LINGO2: variants seen among roughly 807,000 people sequenced by gnomAD.
LINGO2 encodes leucine rich repeat and Ig domain containing 2.
In LINGO2, 14 loss-of-function variants were observed where a neutral mutation model predicts 30.6. That is an observed-to-expected ratio of 0.46 (90% CI 0.30 to 0.72). LINGO2 has a LOEUF of 0.72. Ranked by LOEUF, LINGO2 falls within the 30% of genes least tolerant of loss-of-function variation. The pLI is 0.07. For synonymous variants in LINGO2, 317 were observed against 288.5 expected (o/e 1.10, Z -1.00); for missense variants, 729 against 751.7 (o/e 0.97, Z 0.35).
intron 2 of LINGO2, among the ~76,000 whole-genome samples, chr9:28,410,715 AG>A (rs1259692326): frequency 1.3e-5 from 2 of 152,130 alleles, no homozygotes. Flanking sequence ...AAACGCAATA[AG>A]GGGGAAGTGC....
In LINGO2 at chr9:28,354,561, T is replaced by C. The variant is rs543423789; in HGVS notation, c.-246+18275A>G. Among the ~76,000 whole-genome samples the C allele has an allele frequency of 1.6e-4, 25 of 152,300 alleles. No individual in the cohort carries two copies. The East Asian group carries it at 4.8e-3, about 29-fold the overall frequency. Reference sequence around the variant, plus strand: ...TAGGAGTTAAGGTGAAATTTCAAAATTCATGCTCAAGAAACATGGGGTGAA... The same window carrying C: ...TAGGAGTTAAGGTGAAATTTCAAAACTCATGCTCAAGAAACATGGGGTGAA... On this transcript the variant is annotated intron_variant, in intron 3 of 5. Coordinates refer to ENST00000379992, the Ensembl canonical transcript of LINGO2.
At chr9:28,464,663 T>C (rs1160192808) in intron 2 of LINGO2, among the ~76,000 whole-genome samples, 1 of 152,214 alleles carries the variant, frequency 6.6e-6, no homozygotes, top group Non-Finnish European at 1.5e-5. Context: ...TTTACTGTAT[T>C]GTTAAAGAAA....
chr9:28,914,623 G>T, the LINGO2 span, among the ~76,000 whole-genome samples: 1 of 152,034 alleles, frequency 6.6e-6, no homozygotes, highest in African/African-American at 2.4e-5. Context: ...TTGAAAATTT[G>T]ATATTTGCAG....
At chr9:28,436,970 T>G (rs143660330) in intron 2 of LINGO2, among the ~76,000 whole-genome samples, 137 of 152,328 alleles carry the variant, frequency 9.0e-4, no homozygotes, top group African/African-American at 3.2e-3. Context: ...GGCCACCCTT[T>G]GAAGACCTGG....
At chr9:28,023,726 CTCT>C (rs376584643) in intron 4 of LINGO2, among the ~76,000 whole-genome samples, 10 of 152,158 alleles carry the variant, frequency 6.6e-5, no homozygotes, top group African/African-American at 9.7e-5. Context: ...ACAATGGTAA[CTCT>C]TCTTCTTCTC....
At chr9:28,031,832 T>TA (rs1587728963) in intron 4 of LINGO2, among the ~76,000 whole-genome samples, 1 of 152,204 alleles carries the variant, frequency 6.6e-6, no homozygotes, top group African/African-American at 2.4e-5. Flanking sequence ...AGAGAGATAT[T>TA]AGTGATTCTA....
rs1052860268 is a variant in LINGO2 at position 28,372,837 on chromosome 9, T to G, written c.-247A>C. On this transcript the variant is annotated splice_region_variant and 5_prime_UTR_variant, in exon 3 of 6. Transcript: ENST00000379992. ...ACAAAAATTATAAAATGTACCAACC[T>G]TGAAAGCTGCATTCTGTTTTTCTCA... is the stretch of plus-strand genomic sequence containing the variant. 7.9e-5 allele frequency: 12 copies of G among 152,534 alleles called. No individual in the cohort carries two copies. Among genetic ancestry groups the G allele is most frequent in the African/African-American group, 2.9e-4 (12 of 41,440 alleles). The allele number at this position is 152,534 out of a possible 1,614,324, so 9.4% of individuals were successfully genotyped here.
At chr9:28,256,916 T>C (rs1241428814) in intron 4 of LINGO2, among the ~76,000 whole-genome samples, 2 of 151,916 alleles carry the variant, frequency 1.3e-5, no homozygotes, top group South Asian at 2.1e-4. Context: ...AAGGAAAAGG[T>C]CTAAAAGATG....
intron 5 of LINGO2, among the ~76,000 whole-genome samples, chr9:27,968,843 T>C (rs1820222565): frequency 6.6e-6 from 1 of 151,720 alleles, no homozygotes; most frequent in South Asian, 2.1e-4. Context: ...AATTTACCTC[T>C]ACCTTTAAAA....
the LINGO2 span, among the ~76,000 whole-genome samples, chr9:29,066,844 T>C: frequency 2.6e-5 from 4 of 151,824 alleles, no homozygotes; most frequent in Admixed American, 2.6e-4. Flanking sequence ...CTTTTGGAAA[T>C]GAAAAACCTG....
At chr9:28,620,064 C>A (rs1194991940) in intron 1 of LINGO2, among the ~76,000 whole-genome samples, 1 of 128,590 alleles carries the variant, frequency 7.8e-6, no homozygotes, top group Non-Finnish European at 1.8e-5. Flanking sequence ...ACACTATTTA[C>A]AATGCCCAAA....
chr9:29,067,252 G>A, the LINGO2 span, among the ~76,000 whole-genome samples: 1 of 151,768 alleles, frequency 6.6e-6, no homozygotes, highest in Admixed American at 6.6e-5. Flanking sequence ...TATAAACTGA[G>A]GCTGGGAACA....
chr9:28,413,785 T>C (rs1822863771), intron 2 of LINGO2, among the ~76,000 whole-genome samples: 1 of 152,132 alleles, frequency 6.6e-6, no homozygotes, highest in African/African-American at 2.4e-5. Flanking sequence ...ACGGAGGCTA[T>C]GCTTTGTCTG....
intron 2 of LINGO2, among the ~76,000 whole-genome samples, chr9:28,406,860 G>T (rs1406045307): frequency 6.6e-6 from 1 of 152,156 alleles, no homozygotes; most frequent in South Asian, 2.1e-4. Flanking sequence ...CCAGGTAAAA[G>T]AAATTTCCAA....
chr9:28,340,148 A>C (rs982543280), intron 3 of LINGO2, among the ~76,000 whole-genome samples: 4 of 152,208 alleles, frequency 2.6e-5, no homozygotes, highest in Admixed American at 6.5e-5. Flanking sequence ...CCTAAGGTTA[A>C]ATTCTGACAC....
chr9:28,344,017 A>G (rs1819466392), intron 3 of LINGO2, among the ~76,000 whole-genome samples: 1 of 152,174 alleles, frequency 6.6e-6, no homozygotes, highest in Admixed American at 6.6e-5. Flanking sequence ...TCCTGCAGCC[A>G]GTAATGTCTC....
At chr9:28,847,756 TACAC>T in the LINGO2 span, among the ~76,000 whole-genome samples, 25 of 129,906 alleles carry the variant, frequency 1.9e-4, 1 homozygote, top group East Asian at 6.9e-4. Context: ...GTTATATATA[TACAC>T]ACACATATGT....
At chr9:28,389,742 G>A (rs934527793) in intron 2 of LINGO2, among the ~76,000 whole-genome samples, 4 of 152,226 alleles carry the variant, frequency 2.6e-5, no homozygotes, top group African/African-American at 7.2e-5. Context: ...CCAGAACTTT[G>A]CAATCATAAA....
the LINGO2 span, among the ~76,000 whole-genome samples, chr9:28,710,249 C>T: frequency 3.3e-5 from 5 of 151,830 alleles, no homozygotes; most frequent in Admixed American, 1.3e-4. Context: ...AAGGTAACAT[C>T]TGTGAGTCAG....
Sources: gnomAD v4.1 joint callset for allele counts (sites outside exome capture counted in the v4.1 genomes callset) on GRCh38, gnomAD v4.1.1 for gene constraint, MANE v1.5 for transcripts, NCBI Gene and HGNC (gene_info 2026-07-23, HGNC 2026-07-21) for gene names.